The following FBLN7 variants were observed in gnomAD, a reference collection of about 807,000 sequenced individuals.
FBLN7 encodes fibulin 7.
In FBLN7, 31 loss-of-function variants were observed where a neutral mutation model predicts 44.0. The observed-to-expected ratio is 0.70, with a 90% confidence interval of 0.53 to 0.95. The LOEUF is 0.95. FBLN7 is among the 40% of genes least tolerant of loss of function. FBLN7 has a pLI of 0.00. For synonymous variants in FBLN7, 262 were observed against 253.4 expected (o/e 1.03, Z -0.32); for missense variants, 573 against 618.5 (o/e 0.93, Z 0.78).
the FBLN7 span, chr2:112,233,318 C>T: frequency 6.2e-7 from 1 of 1,601,236 alleles, no homozygotes; most frequent in Admixed American, 1.7e-5. Flanking sequence ...AAAACTTACA[C>T]ATTTCCTTTT....
chr2:112,189,965 A>G (rs911419691), downstream of FBLN7: 2 of 152,194 alleles, frequency 1.3e-5, no homozygotes, highest in African/African-American at 2.4e-5. Flanking sequence ...CAGTAGGTCT[A>G]TGCACTGTGA....
At chr2:112,139,369 T>C (rs373752535) in intron 1 of FBLN7, among the ~76,000 whole-genome samples, 2 of 2,190 alleles carry the variant, frequency 9.1e-4, no homozygotes, top group Non-Finnish European at 8.0e-4. Context: ...TCTCTCCAGG[T>C]CAGTGTCCCT....
intron 1 of FBLN7, chr2:112,152,080 G>A (rs1458077703): frequency 6.6e-6 from 1 of 152,262 alleles, no homozygotes; most frequent in East Asian, 1.9e-4. Flanking sequence ...TCAAGGGGAT[G>A]CTGTGAAGTG....
intron 1 of FBLN7, among the ~76,000 whole-genome samples, chr2:112,146,850 GGA>G (rs1330064275): frequency 2.6e-5 from 4 of 152,162 alleles, no homozygotes; most frequent in Non-Finnish European, 4.4e-5. Flanking sequence ...GTTTTTAACA[GGA>G]GAGCGAACAT....
the FBLN7 span, among the ~76,000 whole-genome samples, chr2:112,226,691 G>A: frequency 6.6e-6 from 1 of 151,824 alleles, no homozygotes; most frequent in African/African-American, 2.4e-5. Context: ...GGGGAAGCTG[G>A]AACACCTTTC....
At position 112,166,902 on chromosome 2, in the gene FBLN7, C is replaced by T. The variant is rs151267199; in HGVS notation, c.406+1731C>T. Among the ~76,000 whole-genome samples, 244 of 152,286 alleles carry T rather than the reference C, an allele frequency of 1.6e-3. 3 individuals carry two copies. In the South Asian group the frequency reaches 0.025, roughly 15 times the overall value. ...CCACATCTGATCTGTCCACCCCCTG[C>T]CATGGGCACCTGATTGCAGTCAACT... On this transcript the variant is annotated intron_variant, in intron 3 of 7. Coordinates refer to ENST00000331203, the MANE Select transcript of FBLN7 (RefSeq NM_153214.3).
At chr2:112,202,813 T>C in the FBLN7 span, among the ~76,000 whole-genome samples, 1 of 151,886 alleles carries the variant, frequency 6.6e-6, no homozygotes, top group Non-Finnish European at 1.5e-5. Context: ...GTCACTGGAG[T>C]GAGTAGAACA....
the FBLN7 span, among the ~76,000 whole-genome samples, chr2:112,207,823 C>G: frequency 6.6e-6 from 1 of 152,246 alleles, no homozygotes; most frequent in Non-Finnish European, 1.5e-5. Flanking sequence ...AATATAGCCT[C>G]TCCATCTTTC....
chr2:112,196,361 T>A, the FBLN7 span, among the ~76,000 whole-genome samples: 2 of 142,370 alleles, frequency 1.4e-5, no homozygotes, highest in African/African-American at 2.7e-5. Flanking sequence ...AAAATTAATT[T>A]CTTCTTCTTC....
At chr2:112,236,709 A>G in the FBLN7 span, 1 of 1,587,030 alleles carries the variant, frequency 6.3e-7, no homozygotes, top group Non-Finnish European at 8.6e-7. Flanking sequence ...AAAACAAAAA[A>G]TTAATTTAAA....
rs199582472 is a variant in FBLN7, at chr2:112,170,533, GAAAA to G, written c.407-5169_407-5166del. Among the ~76,000 whole-genome samples, 7 of 76,822 alleles carry G rather than the reference GAAAA, an allele frequency of 9.1e-5. No homozygotes were observed. In the Admixed American group the frequency reaches 9.7e-4, roughly 11 times the overall value. 50.4% of individuals were successfully genotyped at this position (76,822 alleles called of 152,430 possible). On this transcript the variant is annotated intron_variant, in intron 3 of 7. Coordinates refer to ENST00000331203, the MANE Select transcript of FBLN7 (RefSeq NM_153214.3). The stretch of plus-strand genomic sequence containing the variant: ...CAGAGTGAGACCCTGTCTCGAAAGT[GAAAA>G]AAAAAAAAAAAGAAAAGAAAAGGAA...
At chr2:112,239,658 C>G in the FBLN7 span, among the ~76,000 whole-genome samples, 5 of 141,072 alleles carry the variant, frequency 3.5e-5, no homozygotes, top group African/African-American at 1.3e-4. Flanking sequence ...GATCTTGGCT[C>G]ACTGCAACCT....
chr2:112,237,639 G>T, the FBLN7 span, among the ~76,000 whole-genome samples: 1 of 148,706 alleles, frequency 6.7e-6, no homozygotes, highest in Non-Finnish European at 1.5e-5. Flanking sequence ...TGCACTGTGT[G>T]ATCTCGGCTC....
chr2:112,142,829 T>C (rs372522839), intron 1 of FBLN7, among the ~76,000 whole-genome samples: 1 of 152,136 alleles, frequency 6.6e-6, no homozygotes, highest in Non-Finnish European at 1.5e-5. Context: ...TACACACCTT[T>C]TTTGCATTGG....
chr2:112,186,565 G>A (rs1683278307), intron 7 of FBLN7, among the ~76,000 whole-genome samples: 1 of 152,142 alleles, frequency 6.6e-6, no homozygotes, highest in Admixed American at 6.5e-5. Context: ...ACTTGAGCCT[G>A]GGAGGTGGAG....
At chr2:112,236,764 G>A in the FBLN7 span, 4 of 1,396,680 alleles carry the variant, frequency 2.9e-6, no homozygotes, top group South Asian at 5.2e-5. Context: ...AAGAAGTACG[G>A]GGCCAGGTGC....
At chr2:112,219,689 G>C in the FBLN7 span, among the ~76,000 whole-genome samples, 2 of 151,900 alleles carry the variant, frequency 1.3e-5, no homozygotes, top group African/African-American at 4.8e-5. Context: ...TTTATGCCCG[G>C]GTGTATGGTC....
In FBLN7 at chr2:112,187,282, G is replaced by A; in HGVS notation, c.1096G>A (p.Ala366Thr). The change falls in exon 8 of 8, where the codon GCT (alanine) becomes ACT (threonine). Residue 366 changes from alanine (A) to threonine (T), a missense_variant. Transcript: ENST00000331203. This position sits in a 1 kb window ranked among gnomAD's most constrained non-coding sequence, Gnocchi z 5.1. ...GGCCACAGCCTCTGCCCCCGGCCGA[G>A]CTGGGCCCAACAGCCTGCGGTTTGG... is the stretch of plus-strand genomic sequence containing the variant. ...RMATASAPGR[A>T]GPNSLRFGIV... 2 of 1,614,174 alleles carry A rather than the reference G, an allele frequency of 1.2e-6. No individual in the cohort carries two copies. The highest frequency in any genetic ancestry group is 1.7e-6 in the Non-Finnish European group (2 of 1,180,046).
At chr2:112,196,822 G>A in the FBLN7 span, among the ~76,000 whole-genome samples, 6 of 152,146 alleles carry the variant, frequency 3.9e-5, no homozygotes, top group African/African-American at 1.4e-4. Flanking sequence ...TAAAGAAAAA[G>A]AGGTCCAATG....
Sources: allele counts gnomAD v4.1 joint callset (sites outside exome capture counted in the v4.1 genomes callset), GRCh38; gene constraint gnomAD v4.1.1; non-coding constraint Gnocchi (gnomAD v3.1); transcripts MANE v1.5; gene names NCBI Gene and HGNC (gene_info 2026-07-23, HGNC 2026-07-21).